Variants in TLN2 observed in about 807,000 individuals in gnomAD.
TLN2 encodes talin-2.
TLN2 carries 118 observed loss-of-function variants against 294.7 expected under a neutral mutation model. The observed-to-expected ratio is 0.40, with a 90% CI of 0.34 to 0.47. The LOEUF (loss-of-function observed/expected upper bound fraction) is 0.47, where lower values mean the gene tolerates loss of function less well. Among genes scored for constraint, TLN2 ranks in the 20% least tolerant of loss-of-function variants. The pLI, the probability that TLN2 is intolerant of heterozygous loss-of-function variation, is 0.84. For missense variants in TLN2, 3,083 were observed against 3,282.2 expected, an observed-to-expected ratio of 0.94 and a Z score of 1.48; for synonymous variants, 1,431 against 1,304.5, an observed-to-expected ratio of 1.10 and a Z score of -2.09.
At position 62,740,699 on chromosome 15, in the gene TLN2, T is replaced by C; in HGVS notation, c.3955T>C (p.Leu1319=). The C allele has an allele frequency of 6.2e-7, 1 of 1,614,186 alleles. No homozygotes were observed. The highest frequency in any genetic ancestry group is 1.3e-5 in the African/African-American group (1 of 75,034). ...NISMASSKLL[L]AAKSLSVDPG... ...CTCGATGGCATCCAGCAAGCTGCTGTTAGCTGCCAAGTCTCTCTCTGTAGA... is the reference window on the plus strand; with the variant it reads ...CTCGATGGCATCCAGCAAGCTGCTGCTAGCTGCCAAGTCTCTCTCTGTAGA... Residue 1319 remains leucine, a synonymous_variant, in exon 32 of 59, where the codon TTA becomes CTA. Transcript: ENST00000636159.
chr15:62,789,931 C>A (rs1168655866), intron 45 of TLN2, among the ~76,000 whole-genome samples: 1 of 152,188 alleles, frequency 6.6e-6, no homozygotes, highest in Non-Finnish European at 1.5e-5. Flanking sequence ...CAGAAAGGAG[C>A]TTTTGAGTGT....
At chr15:62,681,520 C>T (rs752006482) in intron 11 of TLN2, among the ~76,000 whole-genome samples, 13 of 152,064 alleles carry the variant, frequency 8.5e-5, no homozygotes, top group Non-Finnish European at 1.9e-4. Flanking sequence ...TCCTAATAAT[C>T]GGTATTAAAT....
At chr15:62,727,284 G>A (rs1207285897) in intron 28 of TLN2, 95 bp downstream of exon 28, 14 of 1,114,956 alleles carry the variant, frequency 1.3e-5, no homozygotes, top group Non-Finnish European at 1.7e-5. Flanking sequence ...CAATACACGT[G>A]ACATTTTTCT....
intron 1 of TLN2, among the ~76,000 whole-genome samples, chr15:62,588,596 C>T (rs1021087954): frequency 2.7e-5 from 4 of 148,662 alleles, no homozygotes; most frequent in Admixed American, 2.7e-4. Context: ...GGCACCATTG[C>T]ACTCCAGCCT....
At chr15:62,769,219 T>C (rs1347830027) in intron 41 of TLN2, among the ~76,000 whole-genome samples, 1 of 152,264 alleles carries the variant, frequency 6.6e-6, no homozygotes, top group African/African-American at 2.4e-5. Context: ...CTTTAGGACA[T>C]AAAGGACCAC....
intron 1 of TLN2, among the ~76,000 whole-genome samples, chr15:62,551,708 A>G (rs990353771): frequency 2.6e-5 from 4 of 152,116 alleles, no homozygotes; most frequent in African/African-American, 9.7e-5. Context: ...CAAAAACAAA[A>G]ACACCTAGAT....
At chr15:62,692,152 G>A (rs1198845071) in intron 12 of TLN2, among the ~76,000 whole-genome samples, 1 of 152,204 alleles carries the variant, frequency 6.6e-6, no homozygotes, top group South Asian at 2.1e-4. Context: ...TAAGGTTCCT[G>A]CTCAAACCCT....
chr15:62,635,826 T>G (rs546058156), intron 3 of TLN2, among the ~76,000 whole-genome samples: 1 of 152,262 alleles, frequency 6.6e-6, no homozygotes, highest in East Asian at 1.9e-4. Context: ...AACCACATTA[T>G]CAATAAAAAA....
intron 41 of TLN2, among the ~76,000 whole-genome samples, chr15:62,766,646 C>T (rs2063026493): frequency 6.6e-6 from 1 of 152,186 alleles, no homozygotes; most frequent in African/African-American, 2.4e-5. Flanking sequence ...AAGAAAACTT[C>T]AGTGCAGTTT....
Position 62,479,658 on chromosome 15 carries a change from G to C in TLN2, c.-238+88973G>C, listed in dbSNP as rs148135875. ...TGCACCACCACATCTGGCTAATTTTGTATTTTTAGTAGCGACGGGGTTTTA... is the reference window on the plus strand; with the variant it reads ...TGCACCACCACATCTGGCTAATTTTCTATTTTTAGTAGCGACGGGGTTTTA... On this transcript the variant is annotated intron_variant, in intron 1 of 58. Coordinates refer to ENST00000636159, the MANE Select transcript of TLN2 (RefSeq NM_015059.3). 1.5e-3 allele frequency among the ~76,000 whole-genome samples: 234 copies of C among 152,234 alleles called. 1 individual carries two copies. Among genetic ancestry groups the C allele is most frequent in the African/African-American group, 5.4e-3 (223 of 41,544 alleles).
At chr15:62,680,747 C>T (rs2056754937) in intron 11 of TLN2, among the ~76,000 whole-genome samples, 1 of 152,056 alleles carries the variant, frequency 6.6e-6, no homozygotes, top group South Asian at 2.1e-4. Context: ...CCTTTCCCTT[C>T]TGAGTCTCTA....
intron 1 of TLN2, among the ~76,000 whole-genome samples, chr15:62,466,126 C>T (rs1270041647): frequency 6.6e-6 from 1 of 152,158 alleles, no homozygotes; most frequent in Non-Finnish European, 1.5e-5. Flanking sequence ...GGCTGCCAGC[C>T]TGGAGAGCAG....
chr15:62,531,390 G>C (rs536655152), intron 1 of TLN2, among the ~76,000 whole-genome samples: 1 of 152,318 alleles, frequency 6.6e-6, no homozygotes, highest in Admixed American at 6.5e-5. Flanking sequence ...TAGAATGGTG[G>C]TTACCAGGGG....
rs750926033 is a variant in TLN2, at chr15:62,796,081, TTC to T, written c.5884-41_5884-40del. The T allele has an allele frequency of 2.5e-6, 4 of 1,601,344 alleles. No individual in the cohort carries two copies. The South Asian group carries it at 4.5e-5, about 18-fold the overall frequency. On this transcript the variant is annotated intron_variant, in intron 46 of 58. Coordinates refer to ENST00000636159, the MANE Select transcript of TLN2 (RefSeq NM_015059.3). ...TTTCAGAATCTGCTTTTAGGTCCTGTTCTCTCCATTTCTTAGCTCCCCTCACA... is the reference window on the plus strand; with the variant it reads ...TTTCAGAATCTGCTTTTAGGTCCTGTTCTCCATTTCTTAGCTCCCCTCACA...
chr15:62,696,681 C>T (rs2058363881), intron 14 of TLN2, among the ~76,000 whole-genome samples: 1 of 152,210 alleles, frequency 6.6e-6, no homozygotes, highest in African/African-American at 2.4e-5. Context: ...GCACTCCAGT[C>T]TGGATGACAA....
chr15:62,787,693 C>CTTTTTTTT (rs71672889), intron 45 of TLN2, among the ~76,000 whole-genome samples: 1 of 65,562 alleles, frequency 1.5e-5, no homozygotes, highest in Non-Finnish European at 3.1e-5. Flanking sequence ...AACTCCTTAT[C>CTTTTTTTT]TTTTTTTTTT....
chr15:62,748,381 C>CA lies in TLN2; in HGVS notation c.4057dup (p.Thr1353AsnfsTer15). The CA allele has an allele frequency of 6.2e-7, 1 of 1,612,996 alleles. No individual in the cohort carries two copies. The highest frequency in any genetic ancestry group is 8.5e-7 in the Non-Finnish European group (1 of 1,179,864). Reference sequence around the variant, plus strand: ...TGACAGAGAGCATCAATCAACTCATCACTCTGTGTACCCAACAAGCTCCGG... The same window carrying CA: ...TGACAGAGAGCATCAATCAACTCATCAACTCTGTGTACCCAACAAGCTCCGG... On this transcript the variant is annotated frameshift_variant, in exon 33 of 59. Transcript: ENST00000636159. LOFTEE classifies it high-confidence loss of function.
chr15:62,440,918 G>A (rs1323224689), intron 1 of TLN2, among the ~76,000 whole-genome samples: 1 of 152,164 alleles, frequency 6.6e-6, no homozygotes, highest in African/African-American at 2.4e-5. Context: ...CTATAAAACA[G>A]GCTATTTCTA....
intron 3 of TLN2, among the ~76,000 whole-genome samples, chr15:62,642,794 C>T (rs916350632): frequency 4.6e-5 from 7 of 151,752 alleles, no homozygotes; most frequent in Admixed American, 6.6e-5. Flanking sequence ...ATGAGCCTCC[C>T]GGGTTCAAGC....
Sources: gnomAD v4.1 joint callset for allele counts (sites outside exome capture counted in the v4.1 genomes callset) on GRCh38, gnomAD v4.1.1 for gene constraint, MANE v1.5 for transcripts, NCBI Gene and HGNC (gene_info 2026-07-23, HGNC 2026-07-21) for gene names.